STK24: variants seen among roughly 807,000 people sequenced by gnomAD.
The protein encoded by STK24 is serine/threonine-protein kinase 24.
Under a neutral mutation model 55.6 loss-of-function variants are expected in STK24, and 21 were observed. That is an observed-to-expected ratio of 0.38 (90% CI 0.27 to 0.54). STK24 has a LOEUF of 0.54. Among genes scored for constraint, STK24 ranks in the 20% least tolerant of loss-of-function variants. The pLI is 0.79. For synonymous variants in STK24, 200 were observed against 215.2 expected (o/e 0.93, Z 0.62); for missense variants, 383 against 538.4 (o/e 0.71, Z 2.86).
chr13:98,556,195 G>T (rs1220242475), intron 1 of STK24, among the ~76,000 whole-genome samples: 1 of 152,174 alleles, frequency 6.6e-6, no homozygotes, highest in Non-Finnish European at 1.5e-5. Flanking sequence ...GGCATGGATT[G>T]GCCAGAGCCC....
chr13:98,475,120 A>T, intron 4 of STK24, 130 bp downstream of exon 4: 7 of 1,406,172 alleles, frequency 5.0e-6, no homozygotes, highest in Non-Finnish European at 6.7e-6. Flanking sequence ...ACCCCCTCAA[A>T]GCCAGCCCAG....
At chr13:98,543,498 C>A (rs544454468) in intron 1 of STK24, among the ~76,000 whole-genome samples, 15 of 152,280 alleles carry the variant, frequency 9.9e-5, no homozygotes, top group African/African-American at 3.6e-4. Flanking sequence ...GCACACACTA[C>A]GAAAGGTCAA....
At chr13:98,551,726 T>A (rs1255691103) in intron 1 of STK24, among the ~76,000 whole-genome samples, 1 of 152,222 alleles carries the variant, frequency 6.6e-6, no homozygotes, top group African/African-American at 2.4e-5. Flanking sequence ...ACTATTAGCC[T>A]GGACTCCAAT....
chr13:98,491,830 C>T (rs1162502103), intron 2 of STK24, among the ~76,000 whole-genome samples: 4 of 152,018 alleles, frequency 2.6e-5, no homozygotes. Flanking sequence ...TAGATAACTT[C>T]CAGTTACTAT....
At chr13:98,518,311 A>G (rs1896139540) in intron 2 of STK24, among the ~76,000 whole-genome samples, 3 of 152,226 alleles carry the variant, frequency 2.0e-5, no homozygotes, top group Admixed American at 2.0e-4. Context: ...CTCACATCAG[A>G]GCAGCTTACA....
At chr13:98,529,865 T>C (rs1896535851) in intron 1 of STK24, among the ~76,000 whole-genome samples, 1 of 152,160 alleles carries the variant, frequency 6.6e-6, no homozygotes, top group Admixed American at 6.5e-5. Context: ...GGCAAGATCA[T>C]GGCTACCAGA....
intron 1 of STK24, among the ~76,000 whole-genome samples, chr13:98,562,943 A>G (rs1897465909): frequency 1.3e-5 from 2 of 151,690 alleles, no homozygotes. Context: ...AAAAGGTAAA[A>G]AAAATTAAAA....
intron 2 of STK24, among the ~76,000 whole-genome samples, chr13:98,516,285 G>T (rs954450683): frequency 2.0e-5 from 3 of 152,202 alleles, no homozygotes; most frequent in African/African-American, 7.2e-5. Context: ...CAATGGCCAC[G>T]TTCTTCCAGG....
intron 7 of STK24, 53 bp from the exon 8 acceptor site, chr13:98,461,950 G>T (rs1421492671): frequency 1.2e-6 from 2 of 1,602,090 alleles, no homozygotes; most frequent in Non-Finnish European, 1.7e-6. Flanking sequence ...CTGCTCTGGG[G>T]GCGCTGGGAC....
chr13:98,566,385 C>T (rs893037237), intron 1 of STK24, among the ~76,000 whole-genome samples: 37 of 152,280 alleles, frequency 2.4e-4, no homozygotes, highest in Middle Eastern at 3.4e-3. Flanking sequence ...GAATCTGACA[C>T]GCCAGGGAGC....
chr13:98,471,792 T>G (rs1461068892), intron 5 of STK24, among the ~76,000 whole-genome samples: 2 of 152,148 alleles, frequency 1.3e-5, no homozygotes, highest in Admixed American at 1.3e-4. Flanking sequence ...GCAGGTGAAG[T>G]CCATCACTTC....
At chr13:98,477,653 T>G in intron 3 of STK24, among the ~76,000 whole-genome samples, 1 of 147,134 alleles carries the variant, frequency 6.8e-6, no homozygotes, top group Admixed American at 6.9e-5. Flanking sequence ...CCAGCCTGGG[T>G]GACAGAGCAA....
At chr13:98,546,957 G>A (rs1336908736) in intron 1 of STK24, among the ~76,000 whole-genome samples, 2 of 152,046 alleles carry the variant, frequency 1.3e-5, no homozygotes, top group African/African-American at 4.8e-5. Context: ...TGTTGCCCAG[G>A]ATGGAGTGCA....
At chr13:98,473,754 G>C (rs1411185332) in intron 5 of STK24, among the ~76,000 whole-genome samples, 3 of 152,222 alleles carry the variant, frequency 2.0e-5, no homozygotes, top group East Asian at 1.9e-4. Flanking sequence ...CCACTCAACA[G>C]TGAGACGGGC....
chr13:98,446,206 G>GT lies in STK24; in HGVS notation c.*6966dup, dbSNP rs780921555. The GT allele has an allele frequency of 1.2e-6, 2 of 1,606,802 alleles. No homozygotes were observed. The highest frequency in any genetic ancestry group is 1.7e-5 in the Admixed American group (1 of 59,946). On this transcript the variant is annotated 3_prime_UTR_variant, in exon 11 of 11. Transcript: ENST00000539966. ...CCTGTTCTTCTACAAATCACACCAG[G>GT]TAAGTGTCTCGCACAGGGCAGGTGG...
At chr13:98,497,814 A>G (rs1895302525) in intron 2 of STK24, among the ~76,000 whole-genome samples, 1 of 152,220 alleles carries the variant, frequency 6.6e-6, no homozygotes, top group South Asian at 2.1e-4. Context: ...ACAGCAATGG[A>G]AAAACAACAG....
chr13:98,448,551 G>T lies in STK24; in HGVS notation c.*4622C>A. On this transcript the variant is annotated 3_prime_UTR_variant, in exon 11 of 11. Transcript: ENST00000539966. ...CTGGGGGCGCTGTTCTTTAGCTAGT[G>T]CCAGTATTAAAACATTGTCATTACG... 1.9e-6 allele frequency: 1 copy of T among 538,324 alleles called. No individual in the cohort carries two copies. Among genetic ancestry groups the T allele is most frequent in the South Asian group, 2.2e-5 (1 of 45,880 alleles). 33.3% of individuals were successfully genotyped at this position (538,324 alleles called of 1,614,324 possible).
At chr13:98,486,932 G>C (rs774787061) in intron 2 of STK24, among the ~76,000 whole-genome samples, 13 of 152,178 alleles carry the variant, frequency 8.5e-5, no homozygotes, top group Non-Finnish European at 1.6e-4. Flanking sequence ...ACAGTTCCAA[G>C]TGACAATTAA....
At chr13:98,495,948 C>T (rs1488373054) in intron 2 of STK24, among the ~76,000 whole-genome samples, 1 of 152,220 alleles carries the variant, frequency 6.6e-6, no homozygotes, top group Non-Finnish European at 1.5e-5. Flanking sequence ...AGGGCAGATC[C>T]CTGCACACTA....
Sources: gnomAD v4.1 joint callset for allele counts (sites outside exome capture counted in the v4.1 genomes callset) on GRCh38, gnomAD v4.1.1 for gene constraint, MANE v1.5 for transcripts, NCBI Gene and HGNC (gene_info 2026-07-23, HGNC 2026-07-21) for gene names.